The following SDK1 variants were observed in gnomAD, a reference collection of about 807,000 sequenced individuals.
The protein encoded by SDK1 is sidekick cell adhesion molecule 1.
A neutral mutation model predicts 245.5 loss-of-function variants in SDK1; 157 were observed. That is an observed-to-expected ratio of 0.64 (90% CI 0.56 to 0.73). SDK1 has a LOEUF of 0.73. Among genes scored for constraint, SDK1 ranks in the 30% least tolerant of loss-of-function variants. The pLI is 0.00. For missense variants in SDK1, 3,583 were observed against 3,002.3 expected (o/e 1.19, Z -4.52); for synonymous variants, 1,647 against 1,278.5 (o/e 1.29, Z -6.15).
At position 3,403,824 on chromosome 7, in the gene SDK1, CATATATATATATATATATATAT is replaced by C. The variant is rs10650660; in HGVS notation, c.298+101964_298+101985del. On this transcript the variant is annotated intron_variant, in intron 1 of 44. Coordinates refer to ENST00000404826, the MANE Select transcript of SDK1 (RefSeq NM_152744.4). ...CATTACAGGGATTTGAAATATCTTACATATATATATATATATATATATATATATATATATATATATATATAAT... is the reference window on the plus strand; with the variant it reads ...CATTACAGGGATTTGAAATATCTTACATATATATATATATATATATATAAT... 3.3e-3 allele frequency among the ~76,000 whole-genome samples: 199 copies of C among 60,744 alleles called. 5 individuals are homozygous for C. The highest frequency in any genetic ancestry group is 0.011 in the East Asian group (23 of 2,000). 39.9% of individuals were successfully genotyped at this position (60,744 alleles called of 152,430 possible). A position where few individuals can be genotyped will look rare whatever the true frequency, so the allele number is the denominator to read the frequency against.
chr7:3,569,856 T>C (rs1780051939), intron 1 of SDK1, among the ~76,000 whole-genome samples: 1 of 152,228 alleles, frequency 6.6e-6, no homozygotes, highest in African/African-American at 2.4e-5. Flanking sequence ...TGACACGCAG[T>C]TGGTACGTTG....
intron 4 of SDK1, among the ~76,000 whole-genome samples, chr7:3,653,492 G>A (rs945792324): frequency 3.3e-5 from 5 of 152,098 alleles, no homozygotes; most frequent in Non-Finnish European, 5.9e-5. Context: ...AGGCCACAGT[G>A]TTAGAGTAGA....
intron 1 of SDK1, among the ~76,000 whole-genome samples, chr7:3,459,969 A>G (rs1056069345): frequency 1.3e-5 from 2 of 152,236 alleles, no homozygotes; most frequent in Non-Finnish European, 2.9e-5. Context: ...TAGCAAAGAA[A>G]GTGATTTTTA....
At chr7:3,840,612 G>A (rs964250796) in intron 5 of SDK1, among the ~76,000 whole-genome samples, 3 of 152,154 alleles carry the variant, frequency 2.0e-5, no homozygotes, top group African/African-American at 7.2e-5. Flanking sequence ...TCATATGCAC[G>A]TTAAAGTTTT....
intron 4 of SDK1, among the ~76,000 whole-genome samples, chr7:3,718,572 TAA>T (rs1785272457): frequency 7.2e-6 from 1 of 138,680 alleles, no homozygotes; most frequent in East Asian, 2.0e-4. Flanking sequence ...AATAAATAAA[TAA>T]ATAAATAAAT....
At chr7:3,894,429 G>A (rs947191955) in intron 5 of SDK1, among the ~76,000 whole-genome samples, 4 of 151,780 alleles carry the variant, frequency 2.6e-5, no homozygotes, top group African/African-American at 9.7e-5. Context: ...GCAGGGCCTT[G>A]GTGCCAGGCT....
At chr7:3,394,977 A>C (rs1394475653) in intron 1 of SDK1, among the ~76,000 whole-genome samples, 2 of 152,038 alleles carry the variant, frequency 1.3e-5, no homozygotes, top group Non-Finnish European at 2.9e-5. Flanking sequence ...CTTTCTTTAC[A>C]AACCGAATGT....
chr7:4,018,079 C>T (rs1267557703), intron 17 of SDK1, among the ~76,000 whole-genome samples: 1 of 152,204 alleles, frequency 6.6e-6, no homozygotes, highest in Non-Finnish European at 1.5e-5. Flanking sequence ...CAGGAATAAA[C>T]AGACCCTCTC....
intron 4 of SDK1, among the ~76,000 whole-genome samples, chr7:3,702,942 C>G (rs1272524596): frequency 6.6e-6 from 1 of 150,938 alleles, no homozygotes; most frequent in Non-Finnish European, 1.5e-5. Context: ...ACCAAATACT[C>G]AGGAAGATGC....
chr7:3,412,207 C>G (rs1033182234), intron 1 of SDK1, among the ~76,000 whole-genome samples: 12 of 152,118 alleles, frequency 7.9e-5, no homozygotes, highest in African/African-American at 2.9e-4. Context: ...TGGAAAGCAT[C>G]TACAGTGAAA....
intron 25 of SDK1, among the ~76,000 whole-genome samples, chr7:4,115,240 G>T (rs1200612260): frequency 1.3e-5 from 2 of 152,198 alleles, no homozygotes; most frequent in African/African-American, 4.8e-5. Context: ...TCTGCCCCAG[G>T]CTTCTTGGAT....
chr7:3,342,583 C>T (rs1780377090), intron 1 of SDK1, among the ~76,000 whole-genome samples: 1 of 150,688 alleles, frequency 6.6e-6, no homozygotes, highest in Non-Finnish European at 1.5e-5. Flanking sequence ...AGCGAAACTC[C>T]ATCTCAAAAA....
At chr7:3,607,749 C>G (rs185511268) in intron 1 of SDK1, among the ~76,000 whole-genome samples, 21 of 152,194 alleles carry the variant, frequency 1.4e-4, no homozygotes, top group Non-Finnish European at 2.4e-4. Flanking sequence ...AGTTCAAGAT[C>G]CAGCATTCTG....
At chr7:3,961,897 A>T (rs959798577) in intron 8 of SDK1, among the ~76,000 whole-genome samples, 1 of 152,166 alleles carries the variant, frequency 6.6e-6, no homozygotes, top group African/African-American at 2.4e-5. Context: ...ACATATATGC[A>T]GGTGCACATA....
chr7:3,633,071 C>G (rs774339311), intron 2 of SDK1, among the ~76,000 whole-genome samples: 1 of 151,980 alleles, frequency 6.6e-6, no homozygotes, highest in African/African-American at 2.4e-5. Flanking sequence ...TTACCTTAAC[C>G]CATATTTTTT....
chr7:3,955,715 C>G (rs149412472), intron 7 of SDK1, among the ~76,000 whole-genome samples: 50 of 152,350 alleles, frequency 3.3e-4, no homozygotes, highest in African/African-American at 1.1e-3. Context: ...AACTCAGAAG[C>G]CAAATCCCAG....
At chr7:3,504,613 A>G (rs907850171) in intron 1 of SDK1, among the ~76,000 whole-genome samples, 3 of 152,152 alleles carry the variant, frequency 2.0e-5, no homozygotes, top group Non-Finnish European at 4.4e-5. Context: ...TATCTACAAG[A>G]AAAGAATGTT....
At chr7:3,823,125 A>C (rs1013964750) in intron 5 of SDK1, among the ~76,000 whole-genome samples, 1 of 152,236 alleles carries the variant, frequency 6.6e-6, no homozygotes, top group East Asian at 1.9e-4. Flanking sequence ...AACCCAGTGC[A>C]TGCTGTACTG....
At chr7:3,387,043 A>G (rs1345468090) in intron 1 of SDK1, among the ~76,000 whole-genome samples, 1 of 152,120 alleles carries the variant, frequency 6.6e-6, no homozygotes, top group Non-Finnish European at 1.5e-5. Context: ...GGCTTTTCAC[A>G]TTTCAAAAAT....
Sources: allele counts gnomAD v4.1 joint callset (sites outside exome capture counted in the v4.1 genomes callset), GRCh38; gene constraint gnomAD v4.1.1; transcripts MANE v1.5; gene names NCBI Gene and HGNC (gene_info 2026-07-23, HGNC 2026-07-21).